RAP1GAP2: variants seen among roughly 807,000 people sequenced by gnomAD.
RAP1GAP2 encodes RAP1 GTPase activating protein 2.
RAP1GAP2 carries 27 observed loss-of-function variants against 95.0 expected under a neutral mutation model. The observed-to-expected ratio is 0.28, with a 90% confidence interval of 0.21 to 0.39. RAP1GAP2 has a LOEUF of 0.39. Ranked by LOEUF, RAP1GAP2 falls within the 10% of genes least tolerant of loss-of-function variation. RAP1GAP2 has a pLI of 1.00. For missense variants in RAP1GAP2, 771 were observed against 970.0 expected (o/e 0.79, Z 2.72); for synonymous variants, 373 against 380.9 (o/e 0.98, Z 0.24).
chr17:2,776,710 A>G (rs946670093), upstream of RAP1GAP2, among the ~76,000 whole-genome samples: 2 of 148,700 alleles, frequency 1.3e-5, no homozygotes, highest in Admixed American at 6.7e-5. Context: ...GGCGGCGGCG[A>G]GGGGCGCCAG....
At position 2,965,643 on chromosome 17, in the gene RAP1GAP2, G is replaced by C; in HGVS notation, c.596G>C (p.Arg199Thr). 2 of 1,596,878 alleles carry C rather than the reference G, an allele frequency of 1.3e-6. No homozygotes were observed. The highest frequency in any genetic ancestry group is 1.7e-6 in the Non-Finnish European group (2 of 1,169,748). Residue 199 changes from arginine (R) to threonine (T), a missense_variant and splice_region_variant, in exon 8 of 25, where the codon AGG becomes ACG. Coordinates refer to ENST00000254695, the MANE Select transcript of RAP1GAP2 (RefSeq NM_015085.5). The surrounding 1 kb of genome is among the most constrained non-coding windows in gnomAD (Gnocchi z 4.7). The part of the protein sequence containing the change: ...EGIEYLRVIL[R>T]SKLKTVHERI... The stretch of plus-strand genomic sequence containing the variant: ...ATCGAGTACCTCCGGGTCATCCTTA[G>C]GTAGGGCTGTTGCGCTGCTTGAGGC...
At chr17:2,864,089 G>A (rs992651181) in intron 2 of RAP1GAP2, among the ~76,000 whole-genome samples, 3 of 18,608 alleles carry the variant, frequency 1.6e-4, no homozygotes, top group African/African-American at 1.1e-3. Flanking sequence ...GGGAGCCCCC[G>A]GTTCCTCACC....
intron 19 of RAP1GAP2, 32 bp from the exon 20 acceptor site, chr17:3,025,976 C>T (rs746369572): frequency 1.4e-5 from 22 of 1,520,438 alleles, no homozygotes; most frequent in East Asian, 9.0e-5. Context: ...GGGCTGTCTC[C>T]GCGGCCTCAC....
intron 3 of RAP1GAP2, among the ~76,000 whole-genome samples, chr17:2,936,507 G>C (rs527264602): frequency 2.6e-5 from 4 of 151,408 alleles, no homozygotes; most frequent in Non-Finnish European, 4.4e-5. Flanking sequence ...TCCCTGCCTC[G>C]AACCTCTTTC....
At chr17:2,998,448 G>T in intron 14 of RAP1GAP2, 72 bp downstream of exon 14, 1 of 1,524,170 alleles carries the variant, frequency 6.6e-7, no homozygotes, top group Non-Finnish European at 9.0e-7. Flanking sequence ...TGTGATATCA[G>T]AGGACACTAG....
At chr17:2,950,076 T>A (rs1290789406) in intron 3 of RAP1GAP2, among the ~76,000 whole-genome samples, 1 of 136,428 alleles carries the variant, frequency 7.3e-6, no homozygotes, top group Non-Finnish European at 1.6e-5. Context: ...TTTTTTGAGA[T>A]GGAGTCTTGC....
chr17:2,780,376 G>C (rs2068616505), intron 1 of RAP1GAP2, among the ~76,000 whole-genome samples: 1 of 152,172 alleles, frequency 6.6e-6, no homozygotes, highest in Admixed American at 6.5e-5. Context: ...TTTTTTCCAC[G>C]GTGTCCACCT....
intron 2 of RAP1GAP2, among the ~76,000 whole-genome samples, chr17:2,811,258 C>T (rs756550535): frequency 4.6e-5 from 7 of 152,176 alleles, no homozygotes; most frequent in Admixed American, 3.9e-4. Flanking sequence ...CCCATGGACA[C>T]GAGGATGGAC....
At position 2,965,493 on chromosome 17, in the gene RAP1GAP2, G is replaced by A. The variant is rs1228939706; in HGVS notation, c.493-47G>A. The A allele has an allele frequency of 6.9e-7, 1 of 1,442,862 alleles. No homozygotes were observed. The highest frequency in any genetic ancestry group is 9.6e-7 in the Non-Finnish European group (1 of 1,044,144). 89.4% of individuals were successfully genotyped at this position (1,442,862 alleles called of 1,614,324 possible). A position where few individuals can be genotyped will look rare whatever the true frequency, so the allele number is the denominator to read the frequency against. ...GAGGTGGTTTAGGGGGAACATACCT[G>A]GAAGGTTTCTTCCTCCTTCCTGCTC... On this transcript the variant is annotated intron_variant, in intron 7 of 24. Coordinates refer to ENST00000254695, the MANE Select transcript of RAP1GAP2 (RefSeq NM_015085.5). The surrounding 1 kb of genome is among the most constrained non-coding windows in gnomAD (Gnocchi z 4.7).
intron 2 of RAP1GAP2, among the ~76,000 whole-genome samples, chr17:2,818,489 A>G (rs2070139160): frequency 6.6e-6 from 1 of 151,510 alleles, no homozygotes; most frequent in Non-Finnish European, 1.5e-5. Flanking sequence ...ACGCCCGGCT[A>G]ATTTTTGTAT....
At chr17:2,991,512 G>T in intron 12 of RAP1GAP2, 115 bp downstream of exon 12, 1 of 781,612 alleles carries the variant, frequency 1.3e-6, no homozygotes, top group Non-Finnish European at 2.1e-6. Context: ...AGAAATGAGG[G>T]ATGGCTTTTC....
At chr17:2,890,410 GTTAAGAC>G in intron 2 of RAP1GAP2, among the ~76,000 whole-genome samples, 1 of 152,202 alleles carries the variant, frequency 6.6e-6, no homozygotes, top group Non-Finnish European at 1.5e-5. Context: ...ATTCAGAAGA[GTTAAGAC>G]TTAAGACACA....
chr17:3,007,923 T>A, intron 16 of RAP1GAP2, 88 bp from the exon 17 acceptor site: 1 of 1,485,506 alleles, frequency 6.7e-7, no homozygotes, highest in South Asian at 1.3e-5. Flanking sequence ...AATGTCAGCC[T>A]CCAGGCCAGG....
chr17:3,010,455 T>C (rs1241936542), intron 17 of RAP1GAP2, among the ~76,000 whole-genome samples: 1 of 152,022 alleles, frequency 6.6e-6, no homozygotes, highest in Admixed American at 6.6e-5. Context: ...TTTCTTGTAG[T>C]ATTTTGGAGT....
intron 1 of RAP1GAP2, among the ~76,000 whole-genome samples, chr17:2,799,450 G>A (rs2069190968): frequency 6.6e-6 from 1 of 152,208 alleles, no homozygotes; most frequent in Admixed American, 6.5e-5. Context: ...TGACTTGTGG[G>A]CTGGCTCAGC....
intron 1 of RAP1GAP2, among the ~76,000 whole-genome samples, chr17:2,783,100 C>T (rs984439465): frequency 6.0e-4 from 91 of 152,174 alleles, no homozygotes; most frequent in African/African-American, 2.1e-3. Context: ...GGGTTACTTC[C>T]ACAAGGTCAC....
At chr17:2,912,641 G>T (rs2042427701) in intron 3 of RAP1GAP2, among the ~76,000 whole-genome samples, 1 of 152,074 alleles carries the variant, frequency 6.6e-6, no homozygotes, top group East Asian at 1.9e-4. Context: ...TACTGCTGGA[G>T]GGAGGCCCTT....
In RAP1GAP2 at chr17:3,003,847, A is replaced by G. The variant is rs939176257; in HGVS notation, c.1201-1522A>G. ...GGGTCAAGAGAGGCGCACAATGAGG[A>G]TGGAAGGTGAACGCACGTCGCAAGG... On this transcript the variant is annotated intron_variant, in intron 14 of 24. Transcript: ENST00000254695. This position sits in a 1 kb window ranked among gnomAD's most constrained non-coding sequence, Gnocchi z 4.1. Among the ~76,000 whole-genome samples, 1 of 152,124 alleles carries G rather than the reference A, an allele frequency of 6.6e-6. No homozygotes were observed. The highest frequency in any genetic ancestry group is 1.5e-5 in the Non-Finnish European group (1 of 68,014).
rs2042829027 is a variant in RAP1GAP2 at position 2,922,826 on chromosome 17, GTTTTTGTTTTT to G, written c.165+17464_165+17474del. 3.2e-5 allele frequency among the ~76,000 whole-genome samples: 3 copies of G among 93,732 alleles called. No homozygotes were observed. In the South Asian group the frequency reaches 1.1e-3, roughly 35 times the overall value. 61.5% of individuals were successfully genotyped at this position (93,732 alleles called of 152,430 possible). On this transcript the variant is annotated intron_variant, in intron 3 of 24. Coordinates refer to ENST00000254695, the MANE Select transcript of RAP1GAP2 (RefSeq NM_015085.5). ...AAAAAGTGCCCAGTATTTTCTTTTTGTTTTTGTTTTTTTTTTTTTTTTTGAGACAGAAATTC... is the reference window on the plus strand; with the variant it reads ...AAAAAGTGCCCAGTATTTTCTTTTTGTTTTTTTTTTTTGAGACAGAAATTC...
Sources: allele counts gnomAD v4.1 joint callset (sites outside exome capture counted in the v4.1 genomes callset), GRCh38; gene constraint gnomAD v4.1.1; non-coding constraint Gnocchi (gnomAD v3.1); transcripts MANE v1.5; gene names NCBI Gene and HGNC (gene_info 2026-07-23, HGNC 2026-07-21).